CNTNAP2: variants seen among roughly 807,000 people sequenced by gnomAD.
CNTNAP2 encodes the protein contactin associated protein 2, also known as contactin-associated protein-like 2.
Under a neutral mutation model 155.2 loss-of-function variants are expected in CNTNAP2, and 98 were observed. The observed-to-expected ratio is 0.63, with a 90% confidence interval of 0.54 to 0.75. The LOEUF (loss-of-function observed/expected upper bound fraction) is 0.75. CNTNAP2 is among the 30% of genes least tolerant of loss of function. The probability of loss-of-function intolerance (pLI) is 0.00; values close to 1 mark genes in which losing one functional copy is unlikely to be tolerated. For missense variants in CNTNAP2, 1,727 were observed against 1,688.1 expected (o/e 1.02, Z -0.40); for synonymous variants, 651 against 631.2 (o/e 1.03, Z -0.47).
chr7:147,010,683 TAAATG>T (rs1425213549), intron 3 of CNTNAP2, among the ~76,000 whole-genome samples: 1 of 151,896 alleles, frequency 6.6e-6, no homozygotes, highest in Non-Finnish European at 1.5e-5. Flanking sequence ...CATGAGTAAA[TAAATG>T]GAGAGAAGAG....
chr7:147,748,846 G>A (rs572164093), intron 13 of CNTNAP2, among the ~76,000 whole-genome samples: 1 of 152,250 alleles, frequency 6.6e-6, no homozygotes, highest in African/African-American at 2.4e-5. Context: ...GAATTAGGGG[G>A]AATAGGGAAA....
At chr7:146,936,624 TAACTTAATAGGTAGACAA>T (rs1016735428) in intron 3 of CNTNAP2, among the ~76,000 whole-genome samples, 1 of 152,204 alleles carries the variant, frequency 6.6e-6, no homozygotes. Context: ...AACCATAACC[TAACTTAATAGGTAGACAA>T]GATTGAAAAC....
chr7:147,830,156 T>C (rs1171750464), intron 13 of CNTNAP2, among the ~76,000 whole-genome samples: 1 of 99,238 alleles, frequency 1.0e-5, no homozygotes, highest in Non-Finnish European at 2.1e-5. Context: ...TCCATTCGGG[T>C]TGCTATTAAA....
intron 2 of CNTNAP2, among the ~76,000 whole-genome samples, chr7:146,817,863 T>C (rs1393056618): frequency 6.6e-6 from 1 of 151,972 alleles, no homozygotes; most frequent in Non-Finnish European, 1.5e-5. Flanking sequence ...GGGACAAAGA[T>C]TAAAACCATA....
At chr7:147,342,049 A>G (rs1795773482) in intron 9 of CNTNAP2, among the ~76,000 whole-genome samples, 1 of 152,112 alleles carries the variant, frequency 6.6e-6, no homozygotes. Context: ...CGGTTTACAG[A>G]TGGCCAGCTT....
At chr7:147,251,964 T>TAA (rs553267351) in intron 8 of CNTNAP2, among the ~76,000 whole-genome samples, 1 of 150,700 alleles carries the variant, frequency 6.6e-6, no homozygotes, top group Non-Finnish European at 1.5e-5. Flanking sequence ...TGGGGATTAA[T>TAA]AAAAAAAAAC....
intron 14 of CNTNAP2, among the ~76,000 whole-genome samples, chr7:147,941,319 G>C (rs575100072): frequency 4.6e-5 from 7 of 152,296 alleles, no homozygotes; most frequent in Admixed American, 3.9e-4. Flanking sequence ...TGGCAGCCGA[G>C]GGTGGGGATA....
intron 8 of CNTNAP2, among the ~76,000 whole-genome samples, chr7:147,140,185 C>T (rs1223033289): frequency 2.6e-5 from 4 of 152,048 alleles, no homozygotes; most frequent in Non-Finnish European, 4.4e-5. Context: ...ATACTGATGA[C>T]CTGCCTAGAT....
At chr7:148,160,696 C>T (rs1805514731) in intron 17 of CNTNAP2, among the ~76,000 whole-genome samples, 1 of 152,112 alleles carries the variant, frequency 6.6e-6, no homozygotes, top group African/African-American at 2.4e-5. Flanking sequence ...ATCCCTGGGG[C>T]TGGGGGTCTC....
chr7:148,146,770 T>C (rs2116651216), intron 16 of CNTNAP2, among the ~76,000 whole-genome samples: 1 of 152,236 alleles, frequency 6.6e-6, no homozygotes, highest in East Asian at 1.9e-4. Context: ...ACACCAACAA[T>C]AGGTTACCCT....
chr7:147,760,594 T>C (rs1797283447), intron 13 of CNTNAP2, among the ~76,000 whole-genome samples: 2 of 152,226 alleles, frequency 1.3e-5, no homozygotes, highest in Admixed American at 1.3e-4. Context: ...TTCAGTTTCA[T>C]GTCAAGCCAT....
chr7:146,761,119 T>C (rs1802089739), intron 1 of CNTNAP2, among the ~76,000 whole-genome samples: 1 of 152,182 alleles, frequency 6.6e-6, no homozygotes, highest in African/African-American at 2.4e-5. Flanking sequence ...ATACATCCAC[T>C]GTGCATTCAT....
intron 1 of CNTNAP2, among the ~76,000 whole-genome samples, chr7:146,348,913 T>G (rs944819425): frequency 6.6e-6 from 1 of 151,320 alleles, no homozygotes; most frequent in African/African-American, 2.4e-5. Flanking sequence ...GAATAAGAGA[T>G]AGACTTTCTT....
chr7:148,169,584 C>T (rs1241928863), intron 17 of CNTNAP2, among the ~76,000 whole-genome samples: 2 of 152,214 alleles, frequency 1.3e-5, no homozygotes, highest in African/African-American at 4.8e-5. Flanking sequence ...GGTGCAAGAG[C>T]GAAATAAGTG....
At chr7:147,530,499 A>T (rs1799412680) in intron 11 of CNTNAP2, among the ~76,000 whole-genome samples, 1 of 152,136 alleles carries the variant, frequency 6.6e-6, no homozygotes, top group Non-Finnish European at 1.5e-5. Flanking sequence ...CTTACATGGC[A>T]GTGGCAAGAA....
intron 1 of CNTNAP2, among the ~76,000 whole-genome samples, chr7:146,407,174 GAGTC>G (rs1372703996): frequency 6.6e-6 from 1 of 152,148 alleles, no homozygotes; most frequent in Non-Finnish European, 1.5e-5. Flanking sequence ...TCGTTACAAA[GAGTC>G]AGGACAACAT....
intron 13 of CNTNAP2, among the ~76,000 whole-genome samples, chr7:147,775,662 C>T (rs1389395519): frequency 1.3e-5 from 2 of 151,690 alleles, no homozygotes; most frequent in African/African-American, 4.8e-5. Flanking sequence ...GATGTAACAG[C>T]ATGACACAGC....
At position 147,002,039 on chromosome 7, in the gene CNTNAP2, AG is replaced by A. The variant is rs201039985; in HGVS notation, c.403-41867del. Among the ~76,000 whole-genome samples the A allele has an allele frequency of 2.1e-3, 318 of 152,106 alleles. 5 individuals carry two copies. The East Asian group carries it at 0.041, about 20-fold the overall frequency. On this transcript the variant is annotated intron_variant, in intron 3 of 23. Transcript: ENST00000361727. ...AGTTGAGAAAGGAAATCATCCATTA[AG>A]TAAAACAACATAAGGCAATGTAATA...
rs140422952 is a variant in CNTNAP2, at chr7:146,671,342, A to G, written c.98-102929A>G. On this transcript the variant is annotated intron_variant, in intron 1 of 23. Transcript: ENST00000361727. ...GCTACTTTTAGTCTCTGTCTTTGCT[A>G]TCATACTCTTCCTTTAAACTATTTC... is the stretch of plus-strand genomic sequence containing the variant. 2.6e-5 allele frequency among the ~76,000 whole-genome samples: 4 copies of G among 152,030 alleles called. No individual in the cohort carries two copies. In the East Asian group the frequency reaches 7.8e-4, roughly 30 times the overall value.
Sources: allele counts gnomAD v4.1 joint callset (sites outside exome capture counted in the v4.1 genomes callset), GRCh38; gene constraint gnomAD v4.1.1; transcripts MANE v1.5; gene names NCBI Gene and HGNC (gene_info 2026-07-23, HGNC 2026-07-21).